Variants in UBR3 observed in about 807,000 individuals in gnomAD.
UBR3 encodes E3 ubiquitin-protein ligase UBR3.
UBR3 carries 85 observed loss-of-function variants against 243.2 expected under a neutral mutation model. The ratio of observed to expected loss-of-function variants is 0.35; its 90% confidence interval spans 0.29 to 0.42. UBR3 has a LOEUF of 0.42. UBR3 is among the 10% of genes least tolerant of loss of function. UBR3 has a pLI of 1.00. For synonymous variants in UBR3, 748 were observed against 799.8 expected, an observed-to-expected ratio of 0.94 and a Z score of 1.09; for missense variants, 1,686 against 2,300.8, an observed-to-expected ratio of 0.73 and a Z score of 5.47.
chr2:169,856,868 T>G (rs1463541513), intron 1 of UBR3, among the ~76,000 whole-genome samples: 3 of 152,002 alleles, frequency 2.0e-5, no homozygotes, highest in Non-Finnish European at 4.4e-5. Context: ...ATCCATTACT[T>G]TACTACCTGG....
chr2:169,904,213 A>T (rs2084930975), intron 8 of UBR3, among the ~76,000 whole-genome samples: 1 of 152,130 alleles, frequency 6.6e-6, no homozygotes, highest in Non-Finnish European at 1.5e-5. Flanking sequence ...GTGCTTTCAT[A>T]TGTCATTAGT....
intron 8 of UBR3, among the ~76,000 whole-genome samples, 163 bp downstream of exon 8, chr2:169,896,898 T>G (rs1433998775): frequency 6.6e-6 from 1 of 152,140 alleles, no homozygotes. Flanking sequence ...TGAAAACACC[T>G]TATGTTTAAA....
At chr2:169,858,323 A>G (rs1051064858) in intron 1 of UBR3, among the ~76,000 whole-genome samples, 4 of 152,026 alleles carry the variant, frequency 2.6e-5, no homozygotes, top group Non-Finnish European at 4.4e-5. Flanking sequence ...TTCCTTTAAT[A>G]TTTCTTGTCA....
Position 169,895,187 on chromosome 2 carries a change from C to T in UBR3, c.1112C>T (p.Ser371Phe). The T allele has an allele frequency of 1.3e-6, 2 of 1,520,922 alleles. No individual in the cohort carries two copies. The highest frequency in any genetic ancestry group is 1.8e-6 in the Non-Finnish European group (2 of 1,139,010). 94.2% of individuals were successfully genotyped at this position (1,520,922 alleles called of 1,614,324 possible). The change falls in exon 7 of 39, where the codon TCC becomes TTC. Residue 371 changes from serine (S) to phenylalanine (F), a missense_variant. Transcript: ENST00000272793. ...TTTCATTTTTCATGTGCAGATCAAT[C>T]CATAATGGATGTTTTGAAGCATAAA... ...VKLSSGTKDQ[S>F]IMDVLKHKSF...
At chr2:169,921,802 G>T (rs991745963) in intron 11 of UBR3, among the ~76,000 whole-genome samples, 9 of 152,170 alleles carry the variant, frequency 5.9e-5, no homozygotes, top group African/African-American at 2.2e-4. Flanking sequence ...GACCAGCCTG[G>T]GCAACATGGT....
intron 7 of UBR3, 70 bp downstream of exon 7, chr2:169,895,381 T>C: frequency 6.9e-7 from 1 of 1,450,622 alleles, no homozygotes; most frequent in Non-Finnish European, 9.2e-7. Context: ...TAAATCTTTT[T>C]TTGATATATT....
chr2:169,968,833 A>G (rs777719037), intron 24 of UBR3, among the ~76,000 whole-genome samples: 4 of 152,142 alleles, frequency 2.6e-5, no homozygotes, highest in Non-Finnish European at 5.9e-5. Flanking sequence ...CCCTTTCTCT[A>G]CATCCTTGCC....
chr2:170,034,011 TG>T (rs1574427020), intron 31 of UBR3, among the ~76,000 whole-genome samples: 3 of 76,570 alleles, frequency 3.9e-5, no homozygotes, highest in East Asian at 6.9e-4. Context: ...TTAAAGACTT[TG>T]GTTTGTTTTT....
At chr2:170,019,799 C>A (rs1351659518) in intron 30 of UBR3, among the ~76,000 whole-genome samples, 1 of 152,052 alleles carries the variant, frequency 6.6e-6, no homozygotes, top group Non-Finnish European at 1.5e-5. Flanking sequence ...TGTTGAGAGA[C>A]AGGTTCTCCC....
chr2:169,892,959 TTAC>T (rs1383053555), intron 6 of UBR3, among the ~76,000 whole-genome samples: 126 of 152,352 alleles, frequency 8.3e-4, no homozygotes, highest in African/African-American at 3.0e-3. Flanking sequence ...AGTCATGCAT[TTAC>T]AGTACATAAT....
Position 169,906,077 on chromosome 2 carries a change from G to A in UBR3, c.1692G>A (p.Glu564=). 1.3e-6 allele frequency: 2 copies of A among 1,551,584 alleles called. No homozygotes were observed. The highest frequency in any genetic ancestry group is 1.7e-6 in the Non-Finnish European group (2 of 1,146,916). Reference sequence around the variant, plus strand: ...AACTAAACGAGCATGTGGAATTTGAGTCTCAGACCTACTATGCTGCCTTTG... The same window carrying A: ...AACTAAACGAGCATGTGGAATTTGAATCTCAGACCTACTATGCTGCCTTTG... ...KRELNEHVEF[E]SQTYYAAFAA... The change falls in exon 10 of 39, where the codon GAG becomes GAA. Residue 564 remains glutamate (E), a synonymous_variant. Transcript: ENST00000272793.
At chr2:170,027,927 A>G (rs1469000711) in intron 30 of UBR3, among the ~76,000 whole-genome samples, 1 of 151,910 alleles carries the variant, frequency 6.6e-6, no homozygotes, top group Non-Finnish European at 1.5e-5. Context: ...CTTGCCTCAA[A>G]AGTGAGGGTT....
chr2:169,959,755 C>T (rs541380309), intron 24 of UBR3, among the ~76,000 whole-genome samples: 24 of 152,052 alleles, frequency 1.6e-4, no homozygotes, highest in Admixed American at 6.5e-4. Flanking sequence ...GTACAGTACC[C>T]GGTCTGAGGC....
At chr2:169,929,171 A>G (rs2086021554) in intron 18 of UBR3, among the ~76,000 whole-genome samples, 1 of 152,210 alleles carries the variant, frequency 6.6e-6, no homozygotes, top group Admixed American at 6.5e-5. Flanking sequence ...GAAACTATAA[A>G]ACAAAATGTA....
intron 1 of UBR3, among the ~76,000 whole-genome samples, chr2:169,834,321 T>A (rs11695966): frequency 0.41 from 62,744 of 152,158 alleles, 14,465 homozygotes; most frequent in Non-Finnish European, 0.53. Context: ...CAGTCCCTAC[T>A]GATAGACATT....
chr2:170,021,959 C>T (rs1447536168), intron 30 of UBR3, among the ~76,000 whole-genome samples: 4 of 152,014 alleles, frequency 2.6e-5, no homozygotes, highest in Non-Finnish European at 4.4e-5. Flanking sequence ...TGGCTTAGGG[C>T]GAGGCAGCTT....
At chr2:169,903,380 A>G (rs1266692812) in intron 8 of UBR3, among the ~76,000 whole-genome samples, 2 of 152,166 alleles carry the variant, frequency 1.3e-5, no homozygotes, top group East Asian at 3.9e-4. Context: ...ATTCCTTAGC[A>G]CTGTTGCATC....
intron 31 of UBR3, among the ~76,000 whole-genome samples, chr2:170,032,447 G>C (rs534454261): frequency 5.7e-4 from 87 of 152,056 alleles, no homozygotes; most frequent in Non-Finnish European, 9.3e-4. Context: ...TTCAGATTTT[G>C]CCAGTTGTTG....
In UBR3 at chr2:169,891,187, G is replaced by A. The variant is rs1297975002; in HGVS notation, c.1061G>A (p.Gly354Asp). ...SDEDDQDGSQ[G>D]LGKRKRVKLS... Reference sequence around the variant, plus strand: ...CAGGATGATCAGGATGGTAGTCAAGGTCTGGGCAAGAGAAAAAGGGTAAAA... The same window carrying A: ...CAGGATGATCAGGATGGTAGTCAAGATCTGGGCAAGAGAAAAAGGGTAAAA... Residue 354 changes from glycine (G) to aspartate (D), a missense_variant, in exon 6 of 39, where the codon GGT becomes GAT. By Grantham distance (94) the Gly-to-Asp change is moderately conservative. This residue lies in a region of UBR3 where 200 missense variants were observed against 231.6 expected (regional missense o/e 0.86). Transcript: ENST00000272793. The A allele has an allele frequency of 6.5e-7, 1 of 1,550,006 alleles. No individual in the cohort carries two copies. The highest frequency in any genetic ancestry group is 2.0e-5 in the Admixed American group (1 of 50,966).
Sources: gnomAD v4.1 joint callset for allele counts (sites outside exome capture counted in the v4.1 genomes callset) on GRCh38, gnomAD v4.1.1 for gene constraint, gnomAD v4.1.1 regional missense constraint, MANE v1.5 for transcripts, NCBI Gene and HGNC (gene_info 2026-07-23, HGNC 2026-07-21) for gene names.